FAM107B: variants seen among roughly 807,000 people sequenced by gnomAD.
FAM107B encodes the protein protein FAM107B.
A neutral mutation model predicts 31.5 loss-of-function variants in FAM107B; 21 were observed. The observed-to-expected ratio is 0.67, with a 90% confidence interval of 0.47 to 0.96. FAM107B has a LOEUF of 0.96. Ranked by LOEUF, FAM107B falls within the 40% of genes least tolerant of loss-of-function variation. The pLI is 0.00. For missense variants in FAM107B, 452 were observed against 377.1 expected, an observed-to-expected ratio of 1.20 and a Z score of -1.64; for synonymous variants, 157 against 141.5, an observed-to-expected ratio of 1.11 and a Z score of -0.78.
intron 2 of FAM107B, among the ~76,000 whole-genome samples, chr10:14,618,338 CTA>C (rs1212153859): frequency 6.6e-5 from 10 of 152,092 alleles, no homozygotes; most frequent in African/African-American, 2.4e-4. Context: ...TTTGGGGTGA[CTA>C]TGAATAAAGC....
intron 2 of FAM107B, among the ~76,000 whole-genome samples, chr10:14,659,270 G>A (rs933139389): frequency 1.1e-4 from 16 of 152,046 alleles, no homozygotes; most frequent in East Asian, 7.7e-4. Flanking sequence ...GCAAAACCCC[G>A]TCTCTACTGA....
At chr10:14,772,247 G>A (rs1285580072) in intron 1 of FAM107B, among the ~76,000 whole-genome samples, 2 of 151,976 alleles carry the variant, frequency 1.3e-5, no homozygotes, top group African/African-American at 2.4e-5. Flanking sequence ...CCAGCCACTC[G>A]TGGGGCTGAG....
At chr10:14,572,058 C>G in intron 2 of FAM107B, 1 of 985,398 alleles carries the variant, frequency 1.0e-6, no homozygotes, top group Non-Finnish European at 1.2e-6. Context: ...ACCATCCCCA[C>G]AAAGAACTCT....
chr10:14,676,523 G>T (rs971658233), intron 1 of FAM107B, among the ~76,000 whole-genome samples: 1 of 151,990 alleles, frequency 6.6e-6, no homozygotes, highest in African/African-American at 2.4e-5. Context: ...TTTGTTTCAC[G>T]CCCAACATAG....
In FAM107B at chr10:14,763,373, G is replaced by T. The variant is rs115068534; in HGVS notation, c.411+10880C>A. ...TTGCCAGCAGATGTTTGTACTTGTG[G>T]CAGAATTCACGTGAGACATTCTCTA... is the stretch of plus-strand genomic sequence containing the variant. On this transcript the variant is annotated intron_variant, in intron 1 of 4. Coordinates refer to ENST00000181796, the MANE Select transcript of FAM107B (RefSeq NM_031453.4). 6.8e-3 allele frequency among the ~76,000 whole-genome samples: 1,034 copies of T among 152,310 alleles called. 12 individuals carry two copies. Among genetic ancestry groups the T allele is most frequent in the African/African-American group, 0.022 (923 of 41,566 alleles).
At chr10:14,551,580 A>G (rs755125992) in intron 2 of FAM107B, among the ~76,000 whole-genome samples, 1 of 138,184 alleles carries the variant, frequency 7.2e-6, no homozygotes, top group Non-Finnish European at 1.6e-5. Flanking sequence ...TAGGAAGGAC[A>G]CTATTTTCCT....
Position 14,571,726 on chromosome 10 carries a change from T to C in FAM107B, c.470-41211A>G, listed in dbSNP as rs909459974. 7.3e-6 allele frequency: 7 copies of C among 963,670 alleles called. No individual in the cohort carries two copies. In the South Asian group the frequency reaches 2.9e-4, roughly 40 times the overall value. 59.7% of individuals were successfully genotyped at this position (963,670 alleles called of 1,614,324 possible). Reference sequence around the variant, plus strand: ...ATTTTCTAGAGAAGGACTACATTATTCAACAGCCATAGAAAAGTCCCAGTG... The same window carrying C: ...ATTTTCTAGAGAAGGACTACATTATCCAACAGCCATAGAAAAGTCCCAGTG... On this transcript the variant is annotated intron_variant, in intron 2 of 4. Transcript: ENST00000181796.
intron 2 of FAM107B, chr10:14,612,520 C>T (rs1422300096): frequency 2.0e-5 from 3 of 152,210 alleles, no homozygotes; most frequent in South Asian, 2.1e-4. Flanking sequence ...TTCTGGTGGC[C>T]TCCTTTTTCT....
chr10:14,561,541 G>T (rs1471962085), intron 2 of FAM107B, among the ~76,000 whole-genome samples: 1 of 152,128 alleles, frequency 6.6e-6, no homozygotes, highest in African/African-American at 2.4e-5. Flanking sequence ...GCAGGGAGGC[G>T]GCATGATCAG....
intron 2 of FAM107B, among the ~76,000 whole-genome samples, chr10:14,629,429 T>C (rs1484050175): frequency 0.46 from 13,640 of 29,796 alleles, 2,712 homozygotes; most frequent in East Asian, 0.7. Flanking sequence ...ATATATATAA[T>C]ATATATTATA....
chr10:14,521,112 G>T lies in FAM107B; in HGVS notation c.*78C>A. On this transcript the variant is annotated 3_prime_UTR_variant, in exon 5 of 5. Coordinates refer to ENST00000181796, the MANE Select transcript of FAM107B (RefSeq NM_031453.4). Reference sequence around the variant, plus strand: ...TCTGCTGGCTGAAATATTCTCCAGGGGCTTTTGCCCTGAGATTGAGAAGGC... The same window carrying T: ...TCTGCTGGCTGAAATATTCTCCAGGTGCTTTTGCCCTGAGATTGAGAAGGC... 1.8e-6 allele frequency: 2 copies of T among 1,100,858 alleles called. No homozygotes were observed. The highest frequency in any genetic ancestry group is 2.7e-6 in the Non-Finnish European group (2 of 745,204). The allele number at this position is 1,100,858 out of a possible 1,614,324, so 68.2% of individuals were successfully genotyped here.
At chr10:14,695,382 T>A (rs1355622490) in intron 1 of FAM107B, among the ~76,000 whole-genome samples, 6 of 152,242 alleles carry the variant, frequency 3.9e-5, no homozygotes, top group Non-Finnish European at 8.8e-5. Context: ...GCCATTACCA[T>A]GCTGTTTAAT....
chr10:14,716,288 G>A (rs544206987), intron 1 of FAM107B, among the ~76,000 whole-genome samples: 1 of 152,274 alleles, frequency 6.6e-6, no homozygotes, highest in East Asian at 1.9e-4. Context: ...CCAAGATGTT[G>A]GCCAGGACCA....
Position 14,522,693 on chromosome 10 carries a change from C to T in FAM107B, c.654-674G>A, listed in dbSNP as rs181629108. Among the ~76,000 whole-genome samples, 81 of 152,168 alleles carry T rather than the reference C, an allele frequency of 5.3e-4. 1 individual carries two copies. In the East Asian group the frequency reaches 0.014, roughly 27 times the overall value. On this transcript the variant is annotated intron_variant, in intron 3 of 4. Coordinates refer to ENST00000181796, the MANE Select transcript of FAM107B (RefSeq NM_031453.4). ...CCTCCCAAAGTGCTGGGATTACAGG[C>T]GTGAGCCACCACACCTGGCCTCTAG...
chr10:14,767,049 TATATATAGAGAG>T (rs1212524453), intron 1 of FAM107B, among the ~76,000 whole-genome samples: 88 of 36,032 alleles, frequency 2.4e-3, no homozygotes, highest in African/African-American at 7.9e-3. Context: ...TATATATATA[TATATATAGAGAG>T]AGAGAGAGAG....
intron 2 of FAM107B, among the ~76,000 whole-genome samples, chr10:14,593,903 C>T (rs1852096855): frequency 6.6e-6 from 1 of 152,160 alleles, no homozygotes; most frequent in African/African-American, 2.4e-5. Context: ...AGATATAGAA[C>T]TGTTCGAGAG....
Position 14,572,280 on chromosome 10 carries a change from T to TA in FAM107B, c.470-41766dup, listed in dbSNP as rs756001168. On this transcript the variant is annotated intron_variant, in intron 2 of 4. Transcript: ENST00000181796. ...AGCACTGGTGAAATGTACTTGTCTG[T>TA]ACAAAAATCAGCTCCTCTACTTGTA... The TA allele has an allele frequency of 3.6e-4, 355 of 985,376 alleles. 1 individual carries two copies. Among genetic ancestry groups the TA allele is most frequent in the Non-Finnish European group, 4.0e-4 (334 of 829,914 alleles). The allele number at this position is 985,376 out of a possible 1,614,324, so 61.0% of individuals were successfully genotyped here.
chr10:14,631,906 T>A (rs952160280), intron 2 of FAM107B, among the ~76,000 whole-genome samples: 5 of 152,122 alleles, frequency 3.3e-5, no homozygotes, highest in Admixed American at 6.6e-5. Context: ...AGTGACGGCT[T>A]TTATAAGGTA....
intron 2 of FAM107B, among the ~76,000 whole-genome samples, chr10:14,618,515 A>C (rs1038344646): frequency 1.3e-5 from 2 of 152,176 alleles, no homozygotes; most frequent in Non-Finnish European, 2.9e-5. Context: ...CCTAATCTCC[A>C]GTCTTCGAAT....
Sources: allele counts gnomAD v4.1 joint callset (sites outside exome capture counted in the v4.1 genomes callset), GRCh38; gene constraint gnomAD v4.1.1; transcripts MANE v1.5; gene names NCBI Gene and HGNC (gene_info 2026-07-23, HGNC 2026-07-21).